The following GRID1 variants were observed in gnomAD, a reference collection of about 807,000 sequenced individuals.
The protein encoded by GRID1 is glutamate ionotropic receptor delta type subunit 1.
In GRID1, 28 loss-of-function variants were observed where a neutral mutation model predicts 98.0. The ratio of observed to expected loss-of-function variants is 0.29; its 90% CI spans 0.21 to 0.39. The LOEUF is 0.39. Ranked by LOEUF, GRID1 falls within the 10% of genes least tolerant of loss-of-function variation. The pLI is 1.00. For missense variants in GRID1, 1,111 were observed against 1,340.5 expected (o/e 0.83, Z 2.67); for synonymous variants, 553 against 538.5 (o/e 1.03, Z -0.37).
intron 4 of GRID1, among the ~76,000 whole-genome samples, chr10:85,990,805 A>T (rs1842670659): frequency 6.6e-6 from 1 of 152,228 alleles, no homozygotes; most frequent in Non-Finnish European, 1.5e-5. Context: ...TGATGTGCTC[A>T]CATTTATTAT....
At chr10:86,364,901 C>T (rs1206295714) in intron 1 of GRID1, among the ~76,000 whole-genome samples, 1 of 152,248 alleles carries the variant, frequency 6.6e-6, no homozygotes, top group Non-Finnish European at 1.5e-5. Context: ...GCTTTGTGCG[C>T]CTAGCACAGC....
intron 2 of GRID1, among the ~76,000 whole-genome samples, chr10:86,332,478 C>T (rs754711577): frequency 3.5e-4 from 53 of 152,210 alleles, no homozygotes; most frequent in Admixed American, 9.1e-4. Context: ...CCTCTCACCC[C>T]TTGGCTTGTG....
chr10:85,703,601 T>G (rs941496046), intron 12 of GRID1, among the ~76,000 whole-genome samples: 1 of 152,026 alleles, frequency 6.6e-6, no homozygotes, highest in Admixed American at 6.6e-5. Context: ...GTTTCACTGT[T>G]AATTCTGAAA....
intron 2 of GRID1, among the ~76,000 whole-genome samples, chr10:86,302,227 C>T (rs1386939984): frequency 6.6e-6 from 1 of 152,230 alleles, no homozygotes; most frequent in Non-Finnish European, 1.5e-5. Context: ...CTCCTTGAGA[C>T]TCACTCCACA....
intron 4 of GRID1, among the ~76,000 whole-genome samples, chr10:85,939,570 G>A (rs1006568479): frequency 6.6e-6 from 1 of 151,982 alleles, no homozygotes; most frequent in Admixed American, 6.5e-5. Flanking sequence ...GTCTTTCTGG[G>A]CCTTTCTTGG....
At chr10:85,932,642 C>G (rs1385412821) in intron 4 of GRID1, among the ~76,000 whole-genome samples, 1 of 152,184 alleles carries the variant, frequency 6.6e-6, no homozygotes, top group African/African-American at 2.4e-5. Flanking sequence ...TAGGGGAGAG[C>G]AGGGATAAAC....
chr10:85,787,089 A>G (rs1842436698), intron 8 of GRID1, among the ~76,000 whole-genome samples: 1 of 152,210 alleles, frequency 6.6e-6, no homozygotes, highest in African/African-American at 2.4e-5. Flanking sequence ...ATGGAAGACG[A>G]CTGTGACATT....
intron 4 of GRID1, among the ~76,000 whole-genome samples, chr10:86,106,940 A>T (rs1844398116): frequency 6.6e-6 from 1 of 152,052 alleles, no homozygotes; most frequent in African/African-American, 2.4e-5. Context: ...AGAGAGGTGA[A>T]GTTCTACGAG....
chr10:85,824,235 C>T (rs1413591071), intron 8 of GRID1, among the ~76,000 whole-genome samples: 2 of 152,112 alleles, frequency 1.3e-5, no homozygotes, highest in African/African-American at 4.8e-5. Context: ...TGCCTTGTCG[C>T]AAGAGTACGA....
chr10:85,703,311 G>C (rs11201738), intron 12 of GRID1, among the ~76,000 whole-genome samples: 1 of 151,774 alleles, frequency 6.6e-6, no homozygotes, highest in Non-Finnish European at 1.5e-5. Flanking sequence ...AATGAACAGC[G>C]GCTAAATCAT....
chr10:85,903,384 C>T (rs574694052), intron 5 of GRID1, among the ~76,000 whole-genome samples: 1 of 152,072 alleles, frequency 6.6e-6, no homozygotes, highest in Non-Finnish European at 1.5e-5. Flanking sequence ...CAAATCTTAT[C>T]GGCTCCCCAC....
intron 4 of GRID1, among the ~76,000 whole-genome samples, chr10:85,928,712 T>C (rs1236973793): frequency 2.6e-5 from 4 of 152,196 alleles, no homozygotes; most frequent in African/African-American, 7.2e-5. Flanking sequence ...TACACCTACA[T>C]TCCCTGTACT....
rs1000062669 is a variant in GRID1 at position 85,748,314 on chromosome 10, G to A, written c.1234-18700C>T. On this transcript the variant is annotated intron_variant, in intron 8 of 15. Transcript: ENST00000327946. ...TAAAAAACCTGAGGCTCAAGGGTGA[G>A]ATTGCCTGAGAAACATCATGTGACC... Among the ~76,000 whole-genome samples, 29 of 152,152 alleles carry A rather than the reference G, an allele frequency of 1.9e-4. 1 individual carries two copies. The highest frequency in any genetic ancestry group is 1.8e-3 in the Admixed American group (27 of 15,262).
chr10:85,629,611 T>C (rs1842953236), intron 13 of GRID1, among the ~76,000 whole-genome samples: 1 of 152,272 alleles, frequency 6.6e-6, no homozygotes, highest in Non-Finnish European at 1.5e-5. Context: ...AATATACATA[T>C]ATATCACATT....
chr10:86,322,082 G>A (rs7914721), intron 2 of GRID1, among the ~76,000 whole-genome samples: 78,179 of 151,708 alleles, frequency 0.52, 23,671 homozygotes, highest in Non-Finnish European at 0.67. Context: ...CATTTAAAAC[G>A]AATGAACTAG....
At chr10:86,034,944 GGATGGATGGATA>G (rs1014332416) in intron 4 of GRID1, among the ~76,000 whole-genome samples, 5 of 151,648 alleles carry the variant, frequency 3.3e-5, no homozygotes, top group African/African-American at 1.2e-4. Flanking sequence ...ATGGATGGAT[GGATGGATGGATA>G]GATGGTTGGA....
At chr10:86,159,612 C>T (rs534225025) in intron 3 of GRID1, among the ~76,000 whole-genome samples, 91 of 152,310 alleles carry the variant, frequency 6.0e-4, no homozygotes, top group African/African-American at 2.0e-3. Flanking sequence ...AAGCAATGCA[C>T]AACTATATTT....
chr10:86,039,121 C>A (rs1843311234), intron 4 of GRID1, among the ~76,000 whole-genome samples: 2 of 152,138 alleles, frequency 1.3e-5, no homozygotes, highest in Non-Finnish European at 2.9e-5. Context: ...TTTCTTTCAT[C>A]TCCCCACTTC....
At chr10:86,050,767 A>G (rs543536157) in intron 4 of GRID1, among the ~76,000 whole-genome samples, 1 of 152,256 alleles carries the variant, frequency 6.6e-6, no homozygotes, top group South Asian at 2.1e-4. Flanking sequence ...TTTTCCCTAA[A>G]CTATAATAAC....
Sources: gnomAD v4.1 joint callset for allele counts (sites outside exome capture counted in the v4.1 genomes callset) on GRCh38, gnomAD v4.1.1 for gene constraint, MANE v1.5 for transcripts, NCBI Gene and HGNC (gene_info 2026-07-23, HGNC 2026-07-21) for gene names.